Variants in MACROD2 observed in about 807,000 individuals in gnomAD.
MACROD2 encodes the protein mono-ADP ribosylhydrolase 2, also known as ADP-ribose glycohydrolase MACROD2.
MACROD2 carries 36 observed loss-of-function variants against 70.4 expected under a neutral mutation model. That is an observed-to-expected ratio of 0.51 (90% CI 0.39 to 0.68). The LOEUF (loss-of-function observed/expected upper bound fraction) is 0.68, where lower values mean the gene tolerates loss of function less well. Ranked by LOEUF, MACROD2 falls within the 30% of genes least tolerant of loss-of-function variation. The pLI is 0.00. For synonymous variants in MACROD2, 172 were observed against 178.8 expected, an observed-to-expected ratio of 0.96 and a Z score of 0.30; for missense variants, 496 against 538.4, an observed-to-expected ratio of 0.92 and a Z score of 0.78.
rs147699650 is a variant in MACROD2 at position 15,494,054 on chromosome 20, G to C, written c.572-5720G>C. On this transcript the variant is annotated intron_variant, in intron 7 of 17. Coordinates refer to ENST00000684519, the MANE Select transcript of MACROD2 (RefSeq NM_001351661.2). ...TCACTGCTTTGCAGCGAGAAGACAG[G>C]CAAATCATAAAACTTGTCTTGGCTT... Among the ~76,000 whole-genome samples the C allele has an allele frequency of 2.1e-3, 324 of 152,256 alleles. 1 individual carries two copies. The highest frequency in any genetic ancestry group is 6.6e-3 in the African/African-American group (275 of 41,550).
intron 15 of MACROD2, among the ~76,000 whole-genome samples, chr20:16,015,882 A>T (rs533656659): frequency 4.6e-5 from 7 of 152,192 alleles, no homozygotes; most frequent in African/African-American, 1.7e-4. Context: ...TCTAGCAGTT[A>T]TTCATCTTTG....
chr20:15,711,514 G>A (rs948516854), intron 8 of MACROD2, among the ~76,000 whole-genome samples: 11 of 152,194 alleles, frequency 7.2e-5, no homozygotes, highest in African/African-American at 2.4e-4. Flanking sequence ...CCTTCCCCGG[G>A]AGAAAGAGCC....
chr20:15,245,886 T>A (rs2077100903), intron 6 of MACROD2, among the ~76,000 whole-genome samples: 1 of 152,242 alleles, frequency 6.6e-6, no homozygotes, highest in South Asian at 2.1e-4. Context: ...GATTTGCACT[T>A]TTCTAACAGC....
chr20:14,092,884 G>A (rs1387064620), intron 3 of MACROD2, among the ~76,000 whole-genome samples: 1 of 152,160 alleles, frequency 6.6e-6, no homozygotes, highest in Non-Finnish European at 1.5e-5. Flanking sequence ...AGAGGAAACG[G>A]AGGATATCTT....
At position 15,448,271 on chromosome 20, in the gene MACROD2, C is replaced by G. The variant is rs148749443; in HGVS notation, c.571+16836C>G. Among the ~76,000 whole-genome samples, 901 of 152,190 alleles carry G rather than the reference C, an allele frequency of 5.9e-3. 7 individuals carry two copies. The highest frequency in any genetic ancestry group is 0.02 in the African/African-American group (834 of 41,512). On this transcript the variant is annotated intron_variant, in intron 7 of 17. Coordinates refer to ENST00000684519, the MANE Select transcript of MACROD2 (RefSeq NM_001351661.2). The stretch of plus-strand genomic sequence containing the variant: ...CTCTCTTTCAGTCTGTCCTAGCAGG[C>G]ATTTTCTCTGCTGTTTGCATCCTCA...
At chr20:15,612,290 C>T (rs978930685) in intron 8 of MACROD2, among the ~76,000 whole-genome samples, 1 of 152,196 alleles carries the variant, frequency 6.6e-6, no homozygotes, top group Non-Finnish European at 1.5e-5. Flanking sequence ...GACTTTACTT[C>T]TGGCCTGGTT....
At chr20:15,379,489 C>T (rs73107042) in intron 6 of MACROD2, among the ~76,000 whole-genome samples, 6,575 of 152,020 alleles carry the variant, frequency 0.043, 176 homozygotes, top group Middle Eastern at 0.11. Flanking sequence ...AAACCTGTTC[C>T]AACCACAGGT....
intron 6 of MACROD2, among the ~76,000 whole-genome samples, chr20:15,422,130 A>C (rs1409109742): frequency 6.6e-6 from 1 of 152,196 alleles, no homozygotes; most frequent in Non-Finnish European, 1.5e-5. Context: ...GGGCTAAGGA[A>C]GCGAGGATTG....
At chr20:16,041,549 AAACTG>A (rs1282820882) in intron 16 of MACROD2, among the ~76,000 whole-genome samples, 1 of 152,010 alleles carries the variant, frequency 6.6e-6, no homozygotes, top group East Asian at 1.9e-4. Flanking sequence ...TTTCAAGACT[AAACTG>A]AACTGAAGTC....
At chr20:14,124,056 A>G (rs185630087) in intron 3 of MACROD2, among the ~76,000 whole-genome samples, 7 of 152,154 alleles carry the variant, frequency 4.6e-5, no homozygotes, top group Admixed American at 2.6e-4. Flanking sequence ...CTCTTGAACT[A>G]TGTTTTCTTT....
chr20:14,351,142 G>A (rs995354972), intron 3 of MACROD2, among the ~76,000 whole-genome samples: 1 of 152,138 alleles, frequency 6.6e-6, no homozygotes, highest in Non-Finnish European at 1.5e-5. Context: ...TGCTGTTTTG[G>A]TTGTTATAGC....
intron 10 of MACROD2, among the ~76,000 whole-genome samples, chr20:15,925,607 C>G (rs1327202412): frequency 1.3e-5 from 2 of 152,118 alleles, no homozygotes; most frequent in East Asian, 3.9e-4. Context: ...TGAAATGCCT[C>G]AAAATTCAAT....
chr20:16,010,077 G>A (rs529817842), intron 15 of MACROD2, among the ~76,000 whole-genome samples: 6 of 152,168 alleles, frequency 3.9e-5, no homozygotes, highest in African/African-American at 1.4e-4. Context: ...TAAATGCCAG[G>A]GTGAGGGTCT....
intron 3 of MACROD2, among the ~76,000 whole-genome samples, chr20:14,088,327 TAA>T (rs11372104): frequency 1.7e-5 from 2 of 117,930 alleles, no homozygotes; most frequent in Non-Finnish European, 1.7e-5. Context: ...AGACTCCATC[TAA>T]AAAAAAAAAA....
chr20:15,484,707 G>C (rs903383472), intron 7 of MACROD2, among the ~76,000 whole-genome samples: 1 of 152,140 alleles, frequency 6.6e-6, no homozygotes, highest in Non-Finnish European at 1.5e-5. Context: ...TTCATTGTGA[G>C]AACCTGGTCC....
intron 4 of MACROD2, among the ~76,000 whole-genome samples, chr20:14,678,158 G>A (rs1218669128): frequency 6.6e-6 from 1 of 152,122 alleles, no homozygotes; most frequent in Non-Finnish European, 1.5e-5. Flanking sequence ...TGGGTCATTG[G>A]TGTCCTGCCT....
intron 5 of MACROD2, among the ~76,000 whole-genome samples, chr20:15,176,484 G>T (rs907466345): frequency 2.0e-5 from 3 of 152,110 alleles, no homozygotes; most frequent in African/African-American, 7.2e-5. Context: ...GACTCAGCCA[G>T]ACTTGAACAG....
intron 12 of MACROD2, among the ~76,000 whole-genome samples, chr20:15,966,003 G>A (rs938209256): frequency 1.3e-5 from 2 of 152,176 alleles, no homozygotes; most frequent in Admixed American, 1.3e-4. Flanking sequence ...TGAATCATAT[G>A]TTAACTACCC....
chr20:14,989,783 G>C (rs977819146), intron 5 of MACROD2, among the ~76,000 whole-genome samples: 1 of 152,078 alleles, frequency 6.6e-6, no homozygotes, highest in African/African-American at 2.4e-5. Flanking sequence ...TTTTAGGTCG[G>C]TCATAGCTTG....
Sources: gnomAD v4.1 joint callset for allele counts (sites outside exome capture counted in the v4.1 genomes callset) on GRCh38, gnomAD v4.1.1 for gene constraint, MANE v1.5 for transcripts, NCBI Gene and HGNC (gene_info 2026-07-23, HGNC 2026-07-21) for gene names.